Variants in PAK4 observed in about 807,000 individuals in gnomAD.
PAK4 encodes the protein serine/threonine-protein kinase PAK 4.
In PAK4, 49 loss-of-function variants were observed where a neutral mutation model predicts 53.5. The observed-to-expected ratio is 0.92, with a 90% CI of 0.73 to 1.16. The LOEUF is 1.16. PAK4 is among the 50% of genes most tolerant of loss of function. The probability of loss-of-function intolerance (pLI) is 0.00; values close to 1 mark genes in which losing one functional copy is unlikely to be tolerated. For missense variants in PAK4, 824 were observed against 850.7 expected (o/e 0.97, Z 0.39); for synonymous variants, 376 against 375.6 (o/e 1.00, Z -0.01).
intron 1 of PAK4, chr19:39,168,735 T>A (rs1238451915): frequency 6.6e-6 from 1 of 152,210 alleles, no homozygotes; most frequent in Non-Finnish European, 1.5e-5. Context: ...AAGGGCCCGA[T>A]TGAAGACCAC....
At chr19:39,167,247 C>T (rs1427775667) in intron 1 of PAK4, among the ~76,000 whole-genome samples, 1 of 152,186 alleles carries the variant, frequency 6.6e-6, no homozygotes, top group East Asian at 1.9e-4. Flanking sequence ...GGCGGGGCGA[C>T]AGGTTCACGA....
At chr19:39,153,581 A>T (rs915929487) in intron 1 of PAK4, among the ~76,000 whole-genome samples, 2 of 152,172 alleles carry the variant, frequency 1.3e-5, no homozygotes, top group Non-Finnish European at 2.9e-5. Flanking sequence ...AGCTGGGATT[A>T]CAGGCGCCTA....
At chr19:39,179,010 G>A (rs1211601143) in exon 9 of PAK4, 12 of 154,488 alleles carry the variant, frequency 7.8e-5, no homozygotes. Flanking sequence ...CCTGCAAGGG[G>A]TGTCTGGCGC....
chr19:39,165,515 AAAAT>A (rs57100878), intron 1 of PAK4, among the ~76,000 whole-genome samples: 46,772 of 134,816 alleles, frequency 0.35, 8,206 homozygotes, highest in African/African-American at 0.42. Flanking sequence ...ACTCCCTCTC[AAAAT>A]AAATAAATAA....
At chr19:39,151,997 G>C (rs1477751748) in intron 1 of PAK4, 2 of 152,118 alleles carry the variant, frequency 1.3e-5, no homozygotes, top group Non-Finnish European at 2.9e-5. Flanking sequence ...TCAAACTCCT[G>C]ACCTCAAGGA....
intron 1 of PAK4, among the ~76,000 whole-genome samples, chr19:39,138,294 C>T (rs1412106543): frequency 3.3e-5 from 5 of 152,104 alleles, no homozygotes; most frequent in Admixed American, 1.3e-4. Context: ...CTCAAGCCAG[C>T]TGCCCGCCTC....
rs1204650622 is a variant in PAK4, at chr19:39,175,787, C to T, written c.1359+349C>T. Reference sequence around the variant, plus strand: ...CCAGGGCGGTCCATGGACCCCAGTCCTGTCTTCCATGCTTTGGACTGAGGT... The same window carrying T: ...CCAGGGCGGTCCATGGACCCCAGTCTTGTCTTCCATGCTTTGGACTGAGGT... On this transcript the variant is annotated intron_variant, in intron 6 of 8. Coordinates refer to ENST00000358301, the Ensembl canonical transcript of PAK4. The surrounding 1 kb of genome is among the most constrained non-coding windows in gnomAD (Gnocchi z 4.7). 6.6e-6 allele frequency among the ~76,000 whole-genome samples: 1 copy of T among 152,242 alleles called. No individual in the cohort carries two copies. The highest frequency in any genetic ancestry group is 1.5e-5 in the Non-Finnish European group (1 of 68,032).
intron 1 of PAK4, among the ~76,000 whole-genome samples, chr19:39,150,061 T>TA (rs1490283687): frequency 6.6e-6 from 1 of 152,192 alleles, no homozygotes; most frequent in African/African-American, 2.4e-5. Context: ...ATTGTATACT[T>TA]ACAGATGGTT....
At chr19:39,137,714 T>C (rs1333209591) in intron 1 of PAK4, among the ~76,000 whole-genome samples, 1 of 151,620 alleles carries the variant, frequency 6.6e-6, no homozygotes, top group African/African-American at 2.4e-5. Context: ...TCACCCAGGC[T>C]GGAGTGCAGT....
chr19:39,169,386 G>T (rs565838838), intron 1 of PAK4, 146 bp from the exon 3 acceptor site: 2 of 644,300 alleles, frequency 3.1e-6, no homozygotes, highest in African/African-American at 1.8e-5. Context: ...ACAGATGGGC[G>T]CAGGGGGTGG....
downstream of PAK4, chr19:39,180,909 G>A (rs1421964854): frequency 6.6e-6 from 1 of 152,226 alleles, no homozygotes; most frequent in Non-Finnish European, 1.5e-5. Flanking sequence ...CTCACAGCCA[G>A]GGTGCCCGGC....
chr19:39,174,387 G>A (rs2074559046), intron 4 of PAK4, among the ~76,000 whole-genome samples: 1 of 151,356 alleles, frequency 6.6e-6, no homozygotes, highest in Non-Finnish European at 1.5e-5. Context: ...GTGTCCCTCG[G>A]CACAGCCCAC....
At chr19:39,140,835 G>A (rs1355815748) in intron 1 of PAK4, among the ~76,000 whole-genome samples, 2 of 152,212 alleles carry the variant, frequency 1.3e-5, no homozygotes, top group Non-Finnish European at 2.9e-5. Flanking sequence ...CACATCTGGA[G>A]CAGGAGGATA....
Position 39,178,648 on chromosome 19 carries a change from G to C in PAK4, c.*69G>C, listed in dbSNP as rs920694233. 2.9e-6 allele frequency: 4 copies of C among 1,394,124 alleles called. No individual in the cohort carries two copies. In the African/African-American group the frequency reaches 5.9e-5, roughly 20 times the overall value. 86.4% of individuals were successfully genotyped at this position (1,394,124 alleles called of 1,614,324 possible). On this transcript the variant is annotated 3_prime_UTR_variant, in exon 9 of 9. Coordinates refer to ENST00000358301, the Ensembl canonical transcript of PAK4. This position sits in a 1 kb window ranked among gnomAD's most constrained non-coding sequence, Gnocchi z 4.4. ...CCCCGCCCCACTGAGGCCAGTAGGGGGCCAGGCCTCCCACTCCTCCCAGCC... is the reference window on the plus strand; with the variant it reads ...CCCCGCCCCACTGAGGCCAGTAGGGCGCCAGGCCTCCCACTCCTCCCAGCC...
chr19:39,153,729 A>T (rs1398769064), intron 1 of PAK4, among the ~76,000 whole-genome samples: 1 of 152,034 alleles, frequency 6.6e-6, no homozygotes. Context: ...GGTGTGAACC[A>T]CCCCACCTGG....
rs186776489 is a variant in PAK4 at position 39,145,169 on chromosome 19, G to A, written c.-23+19250G>A. Among the ~76,000 whole-genome samples the A allele has an allele frequency of 5.0e-3, 765 of 152,254 alleles. 9 individuals carry two copies. The highest frequency in any genetic ancestry group is 0.017 in the African/African-American group (721 of 41,538). On this transcript the variant is annotated intron_variant, in intron 1 of 8. Coordinates refer to ENST00000358301, the Ensembl canonical transcript of PAK4. ...CCCCCAAGAGAAGAGAGAATCACCT[G>A]CTGACCACCCTCAGGCCCGCTGCCC...
At position 39,175,929 on chromosome 19, in the gene PAK4, G is replaced by A. The variant is rs2074595892; in HGVS notation, c.1359+491G>A. Among the ~76,000 whole-genome samples the A allele has an allele frequency of 6.6e-6, 1 of 152,202 alleles. No homozygotes were observed. The highest frequency in any genetic ancestry group is 2.4e-5 in the African/African-American group (1 of 41,458). On this transcript the variant is annotated intron_variant, in intron 6 of 8. Transcript: ENST00000358301. This position sits in a 1 kb window ranked among gnomAD's most constrained non-coding sequence, Gnocchi z 4.7. ...TGGATGACTCCATCCCCTCCCCCAAGGAAGATTAAGCCACACCATTAGTCC... is the reference window on the plus strand; with the variant it reads ...TGGATGACTCCATCCCCTCCCCCAAAGAAGATTAAGCCACACCATTAGTCC...
downstream of PAK4, chr19:39,180,761 G>A (rs2074692067): frequency 6.6e-6 from 1 of 152,174 alleles, no homozygotes; most frequent in Non-Finnish European, 1.5e-5. Flanking sequence ...AGGTTTACCA[G>A]ACTTTGAAGG....
intron 1 of PAK4, chr19:39,136,486 C>G (rs1319092119): frequency 3.9e-5 from 6 of 152,232 alleles, no homozygotes; most frequent in Non-Finnish European, 5.9e-5. Context: ...GTTCAGTCAG[C>G]CTCTGCTGAC....
Sources: allele counts gnomAD v4.1 joint callset (sites outside exome capture counted in the v4.1 genomes callset), GRCh38; gene constraint gnomAD v4.1.1; non-coding constraint Gnocchi (gnomAD v3.1); transcripts MANE v1.5; gene names NCBI Gene and HGNC (gene_info 2026-07-23, HGNC 2026-07-21).